Variants in PCLAF observed in about 807,000 individuals in gnomAD.
PCLAF encodes PCNA-associated factor.
A neutral mutation model predicts 15.1 loss-of-function variants in PCLAF; 12 were observed. The observed-to-expected ratio is 0.79, with a 90% CI of 0.51 to 1.29. The LOEUF (loss-of-function observed/expected upper bound fraction) is 1.29, where lower values mean the gene tolerates loss of function less well. Among genes scored for constraint, PCLAF ranks in the 50% most tolerant of loss-of-function variants. PCLAF has a pLI of 0.00. For missense variants in PCLAF, 116 were observed against 130.9 expected (o/e 0.89, Z 0.56); for synonymous variants, 33 against 47.1 (o/e 0.70, Z 1.22).
At chr15:64,383,452 C>A (rs571327637), upstream of PCLAF, among the ~76,000 whole-genome samples, 1 of 151,682 alleles carries the variant, frequency 6.6e-6, no homozygotes, top group Admixed American at 6.6e-5. Flanking sequence ...CTGCAATCTC[C>A]GCCTCCCGGG....
chr15:64,372,858 T>C (rs1218518210), intron 3 of PCLAF, among the ~76,000 whole-genome samples: 1 of 151,556 alleles, frequency 6.6e-6, no homozygotes, highest in Non-Finnish European at 1.5e-5. Flanking sequence ...GTAATCCCAG[T>C]TACTCAAGAA....
upstream of PCLAF, chr15:64,381,476 C>T (rs1308555358): frequency 3.7e-6 from 6 of 1,603,520 alleles, no homozygotes; most frequent in East Asian, 8.9e-5. Context: ...TTATATTGGT[C>T]TCTTTCCCGC....
chr15:64,382,533 C>T (rs569573900), upstream of PCLAF: 1 of 153,772 alleles, frequency 6.5e-6, no homozygotes, highest in African/African-American at 2.4e-5. Context: ...ACGAAAAGAC[C>T]CTGCCAAATG....
At position 64,365,697 on chromosome 15, in the gene PCLAF, T is replaced by C. The variant is rs766274002; in HGVS notation, c.*333A>G. Reference sequence around the variant, plus strand: ...TCCAATAATCAAACACCAATAAAAATGGCAGCAGTACAACAATCTAAGCAA... The same window carrying C: ...TCCAATAATCAAACACCAATAAAAACGGCAGCAGTACAACAATCTAAGCAA... On this transcript the variant is annotated 3_prime_UTR_variant, in exon 4 of 4. Coordinates refer to ENST00000300035, the MANE Select transcript of PCLAF (RefSeq NM_014736.6). 6.3e-5 allele frequency: 15 copies of C among 237,066 alleles called. No individual in the cohort carries two copies. Among genetic ancestry groups the C allele is most frequent in the East Asian group, 1.2e-4 (1 of 8,082 alleles). The allele number at this position is 237,066 out of a possible 1,614,324, so 14.7% of individuals were successfully genotyped here. A position where few individuals can be genotyped will look rare whatever the true frequency, so the allele number is the denominator to read the frequency against.
At chr15:64,379,144 G>A (rs1036298204) in intron 2 of PCLAF, among the ~76,000 whole-genome samples, 1 of 152,000 alleles carries the variant, frequency 6.6e-6, no homozygotes, top group Non-Finnish European at 1.5e-5. Flanking sequence ...TGGCTCTGGT[G>A]ATTCAACAGT....
In PCLAF at chr15:64,364,630, C is replaced by T. The variant is rs1452099555; in HGVS notation, c.*1400G>A. ...ATGGGATCTGGTTCCACTGTGTGTG[C>T]CACCATGCCAGGCTAATTTTTTATT... is the stretch of plus-strand genomic sequence containing the variant. On this transcript the variant is annotated 3_prime_UTR_variant, in exon 4 of 4. Transcript: ENST00000300035. 1 of 151,614 alleles carries T rather than the reference C, an allele frequency of 6.6e-6. No individual in the cohort carries two copies. The highest frequency in any genetic ancestry group is 2.4e-5 in the African/African-American group (1 of 41,338). 9.4% of individuals were successfully genotyped at this position (151,614 alleles called of 1,614,324 possible). A position where few individuals can be genotyped will look rare whatever the true frequency, so the allele number is the denominator to read the frequency against.
intron 3 of PCLAF, among the ~76,000 whole-genome samples, chr15:64,367,084 C>T (rs1212326032): frequency 6.6e-6 from 1 of 151,866 alleles, no homozygotes; most frequent in African/African-American, 2.4e-5. Flanking sequence ...GATTGTGCCA[C>T]TGCACTCCAG....
At position 64,365,942 on chromosome 15, in the gene PCLAF, TA is replaced by T; in HGVS notation, c.*87del. ...TAATTAAATGCCTGTTCAACAAAGC[TA>T]ATTGGAACAAACACATTTATGTAAA... On this transcript the variant is annotated 3_prime_UTR_variant, in exon 4 of 4. Transcript: ENST00000300035. The T allele has an allele frequency of 8.9e-7, 1 of 1,122,256 alleles. No individual in the cohort carries two copies. The highest frequency in any genetic ancestry group is 1.3e-6 in the Non-Finnish European group (1 of 751,986). The allele number at this position is 1,122,256 out of a possible 1,614,324, so 69.5% of individuals were successfully genotyped here.
chr15:64,371,033 A>G (rs1899290142), intron 3 of PCLAF, among the ~76,000 whole-genome samples: 1 of 144,432 alleles, frequency 6.9e-6, no homozygotes, highest in South Asian at 2.1e-4. Flanking sequence ...CAGTAGCGCA[A>G]TCTCGGCTCA....
chr15:64,373,024 A>G (rs1337714916), intron 3 of PCLAF: 8 of 152,230 alleles, frequency 5.3e-5, no homozygotes, highest in Non-Finnish European at 8.8e-5. Flanking sequence ...AAACTTAGCA[A>G]TGTAAATCTA....
chr15:64,379,908 C>T (rs1362262807), intron 2 of PCLAF, among the ~76,000 whole-genome samples: 1 of 151,118 alleles, frequency 6.6e-6, no homozygotes, highest in Admixed American at 6.7e-5. Context: ...AACAAACAAA[C>T]AAACAAAAAA....
intron 2 of PCLAF, among the ~76,000 whole-genome samples, chr15:64,378,700 C>CA (rs1238343000): frequency 3.3e-5 from 5 of 152,250 alleles, no homozygotes; most frequent in Non-Finnish European, 7.4e-5. Context: ...ATCATGAGGT[C>CA]AGGCATTTGA....
At chr15:64,381,084 T>C in intron 1 of PCLAF, 46 bp from the exon 2 acceptor site, 2 of 1,573,594 alleles carry the variant, frequency 1.3e-6, no homozygotes, top group Non-Finnish European at 1.7e-6. Context: ...GCAGGAGGGT[T>C]CCGACACCGA....
At chr15:64,381,655 G>C (rs1899826823), upstream of PCLAF, 1 of 662,776 alleles carries the variant, frequency 1.5e-6, no homozygotes, top group Admixed American at 3.2e-5. Flanking sequence ...GGCGGTACCA[G>C]GACTCTCCAG....
chr15:64,387,561 T>G (rs1899975384), exon 1 of PCLAF: 2 of 1,348,438 alleles, frequency 1.5e-6, no homozygotes, highest in South Asian at 2.7e-5. Flanking sequence ...ACTGTCGTTT[T>G]TATAGGCACT....
At chr15:64,377,015 CTTTA>C (rs1899622308) in intron 2 of PCLAF, 110 bp from the exon 3 acceptor site, 15 of 815,486 alleles carry the variant, frequency 1.8e-5, no homozygotes, top group South Asian at 1.6e-4. Flanking sequence ...ATTAAATAAT[CTTTA>C]TTTAAGATAT....
intron 3 of PCLAF, among the ~76,000 whole-genome samples, chr15:64,370,476 T>C (rs948637458): frequency 1.3e-5 from 2 of 151,444 alleles, no homozygotes; most frequent in Non-Finnish European, 2.9e-5. Context: ...CAAGTGATTC[T>C]CCTGCCTCAG....
At chr15:64,386,322 GGTTTT>G (rs2140538211), upstream of PCLAF, among the ~76,000 whole-genome samples, 1 of 152,038 alleles carries the variant, frequency 6.6e-6, no homozygotes, top group African/African-American at 2.4e-5. Flanking sequence ...ACACTTATGA[GGTTTT>G]GTTTTGTTTT....
chr15:64,371,481 G>C (rs1415217560), intron 3 of PCLAF, among the ~76,000 whole-genome samples: 1 of 152,044 alleles, frequency 6.6e-6, no homozygotes, highest in East Asian at 1.9e-4. Flanking sequence ...GGCCAGGTTA[G>C]TCTCAAACTC....
Sources: allele counts gnomAD v4.1 joint callset (sites outside exome capture counted in the v4.1 genomes callset), GRCh38; gene constraint gnomAD v4.1.1; transcripts MANE v1.5; gene names NCBI Gene and HGNC (gene_info 2026-07-23, HGNC 2026-07-21).